ABCC4: variants seen among roughly 807,000 people sequenced by gnomAD.
ABCC4 encodes ATP-binding cassette sub-family C member 4.
A neutral mutation model predicts 168.5 loss-of-function variants in ABCC4; 102 were observed. The observed-to-expected ratio is 0.61, with a 90% confidence interval of 0.52 to 0.71. The LOEUF (loss-of-function observed/expected upper bound fraction) is 0.71. ABCC4 is among the 30% of genes least tolerant of loss of function. ABCC4 has a pLI of 0.00. For synonymous variants in ABCC4, 617 were observed against 590.7 expected (o/e 1.04, Z -0.65); for missense variants, 1,402 against 1,605.8 (o/e 0.87, Z 2.17).
At chr13:95,114,114 T>C (rs900716025) in intron 20 of ABCC4, among the ~76,000 whole-genome samples, 3 of 152,178 alleles carry the variant, frequency 2.0e-5, no homozygotes, top group Non-Finnish European at 4.4e-5. Flanking sequence ...AATCAGCTAA[T>C]TGGGGCCAGT....
At chr13:95,228,764 GAAAA>G (rs538224986) in intron 4 of ABCC4, among the ~76,000 whole-genome samples, 2 of 120,366 alleles carry the variant, frequency 1.7e-5, no homozygotes, top group African/African-American at 3.0e-5. Context: ...ACTCTGTCTT[GAAAA>G]AAAAAAAAAA....
At chr13:95,167,069 C>T (rs899281808) in intron 14 of ABCC4, among the ~76,000 whole-genome samples, 8 of 151,804 alleles carry the variant, frequency 5.3e-5, no homozygotes, top group African/African-American at 1.7e-4. Context: ...CCTAGCTACT[C>T]GGGAGGCTGA....
At chr13:95,042,431 C>A (rs953330265) in intron 29 of ABCC4, among the ~76,000 whole-genome samples, 1 of 152,108 alleles carries the variant, frequency 6.6e-6, no homozygotes, top group Non-Finnish European at 1.5e-5. Flanking sequence ...GTTTGATGAA[C>A]TGAAGGACAA....
chr13:95,228,839 C>T (rs1008450535), intron 4 of ABCC4, among the ~76,000 whole-genome samples: 2 of 150,734 alleles, frequency 1.3e-5, no homozygotes, highest in Non-Finnish European at 2.9e-5. Flanking sequence ...GCAGGAGGAT[C>T]CCTTGAGCCC....
chr13:95,298,293 C>T (rs2041587828), intron 1 of ABCC4, among the ~76,000 whole-genome samples: 1 of 151,930 alleles, frequency 6.6e-6, no homozygotes, highest in Admixed American at 6.6e-5. Flanking sequence ...CAGAGAAAGA[C>T]TCCGTCTCAA....
At chr13:95,246,184 T>G (rs1233448900) in intron 3 of ABCC4, among the ~76,000 whole-genome samples, 1 of 152,228 alleles carries the variant, frequency 6.6e-6, no homozygotes, top group Non-Finnish European at 1.5e-5. Context: ...CTTTGATTTT[T>G]CATGGAATGT....
chr13:95,158,545 T>G (rs932083980), intron 19 of ABCC4, among the ~76,000 whole-genome samples: 3 of 152,038 alleles, frequency 2.0e-5, no homozygotes, highest in African/African-American at 7.2e-5. Flanking sequence ...TGGGAGAATA[T>G]CAGGATGCTG....
chr13:95,173,918 T>C (rs1470062257), intron 13 of ABCC4, among the ~76,000 whole-genome samples: 1 of 152,222 alleles, frequency 6.6e-6, no homozygotes, highest in East Asian at 1.9e-4. Flanking sequence ...GCGTGAGCCC[T>C]CTCCAGGCAC....
chr13:95,284,951 T>C (rs1280587677), intron 1 of ABCC4, among the ~76,000 whole-genome samples: 2 of 152,134 alleles, frequency 1.3e-5, no homozygotes, highest in East Asian at 1.9e-4. Flanking sequence ...TGTCTAAATA[T>C]ACAGTAGTTC....
At chr13:95,267,858 C>A (rs2040725350) in intron 1 of ABCC4, among the ~76,000 whole-genome samples, 1 of 152,168 alleles carries the variant, frequency 6.6e-6, no homozygotes, top group Non-Finnish European at 1.5e-5. Context: ...ACTGCTATTG[C>A]CCAACCTCCA....
intron 19 of ABCC4, among the ~76,000 whole-genome samples, chr13:95,155,399 AG>A (rs2139522209): frequency 6.6e-6 from 1 of 152,280 alleles, no homozygotes; most frequent in Admixed American, 6.5e-5. Context: ...TAGGGAACAT[AG>A]GAGAATATGT....
At chr13:95,110,766 G>C (rs1445879809) in intron 20 of ABCC4, among the ~76,000 whole-genome samples, 1 of 151,940 alleles carries the variant, frequency 6.6e-6, no homozygotes, top group African/African-American at 2.4e-5. Context: ...TCAGAAATTA[G>C]AGACCAGCCT....
chr13:95,164,454 G>T lies in ABCC4; in HGVS notation c.2099C>A (p.Ala700Asp). 1.9e-6 allele frequency: 3 copies of T among 1,614,094 alleles called. No individual in the cohort carries two copies. In the South Asian group the frequency reaches 3.3e-5, roughly 18 times the overall value. Residue 700 changes from alanine to aspartate, a missense_variant, in exon 16 of 31, where the codon GCC (alanine) becomes GAC (aspartate). Transcript: ENST00000645237. ...NRSEGKVGFQ[A>D]YKNYFRAGAH... ...ACCAGCTCTGAAGTAATTCTTATAG[G>T]CCTGAAAACCAACTTTTCCTTCAGA...
intron 30 of ABCC4, among the ~76,000 whole-genome samples, chr13:95,029,322 T>C (rs1461835481): frequency 6.7e-6 from 1 of 149,746 alleles, no homozygotes; most frequent in African/African-American, 2.5e-5. Context: ...GAGGTAACTA[T>C]ATGTATTGAT....
At chr13:95,213,474 G>C (rs985701031) in intron 4 of ABCC4, among the ~76,000 whole-genome samples, 1 of 152,168 alleles carries the variant, frequency 6.6e-6, no homozygotes, top group African/African-American at 2.4e-5. Context: ...GTTTCAGTAG[G>C]GATTTACCCA....
At position 95,049,188 on chromosome 13, in the gene ABCC4, G is replaced by A. The variant is rs551819747; in HGVS notation, c.3456+3907C>T. Among the ~76,000 whole-genome samples the A allele has an allele frequency of 3.3e-5, 5 of 151,924 alleles. No individual in the cohort carries two copies. The East Asian group carries it at 7.7e-4, about 24-fold the overall frequency. On this transcript the variant is annotated intron_variant, in intron 27 of 30. Coordinates refer to ENST00000645237, the MANE Select transcript of ABCC4 (RefSeq NM_005845.5). ...GTCTCTACTAAAAATACAAAAATTA[G>A]CCAGGCATGGTGGGGCTTGCCTTTA...
At chr13:95,053,774 C>G (rs71431496) in intron 26 of ABCC4, 2 of 154,442 alleles carry the variant, frequency 1.3e-5, no homozygotes, top group African/African-American at 2.4e-5. Flanking sequence ...GTCAGGAGTT[C>G]TAGACCAGCC....
chr13:95,160,414 A>G (rs2037055485), intron 19 of ABCC4, among the ~76,000 whole-genome samples: 1 of 152,170 alleles, frequency 6.6e-6, no homozygotes, highest in Admixed American at 6.5e-5. Context: ...CTCCCTAGGA[A>G]CCCAGGTCAG....
At chr13:95,088,421 C>T (rs1434605319) in intron 20 of ABCC4, among the ~76,000 whole-genome samples, 5 of 152,272 alleles carry the variant, frequency 3.3e-5, no homozygotes, top group African/African-American at 1.2e-4. Flanking sequence ...CTAAAGGCTA[C>T]AATACTATAG....
Sources: allele counts gnomAD v4.1 joint callset (sites outside exome capture counted in the v4.1 genomes callset), GRCh38; gene constraint gnomAD v4.1.1; transcripts MANE v1.5; gene names NCBI Gene and HGNC (gene_info 2026-07-23, HGNC 2026-07-21).